TPD52: variants seen among roughly 807,000 people sequenced by gnomAD.
TPD52 encodes the protein prostate and colon associated protein.
In TPD52, 17 loss-of-function variants were observed where a neutral mutation model predicts 31.3. That is an observed-to-expected ratio of 0.54 (90% confidence interval 0.37 to 0.82). The LOEUF (loss-of-function observed/expected upper bound fraction) is 0.82, where lower values mean the gene tolerates loss of function less well. TPD52 is among the 40% of genes least tolerant of loss of function. The probability of loss-of-function intolerance (pLI) is 0.00; values close to 1 mark genes in which losing one functional copy is unlikely to be tolerated. For missense variants in TPD52, 212 were observed against 240.1 expected (o/e 0.88, Z 0.77); for synonymous variants, 83 against 89.6 (o/e 0.93, Z 0.42).
chr8:80,034,273 G>T (rs543297809), downstream of TPD52, among the ~76,000 whole-genome samples: 3 of 152,108 alleles, frequency 2.0e-5, no homozygotes, highest in African/African-American at 7.2e-5. Context: ...GCCCCCGAGA[G>T]CACACAGATG....
At chr8:80,088,469 T>A (rs985256577) in intron 1 of TPD52, among the ~76,000 whole-genome samples, 1 of 152,186 alleles carries the variant, frequency 6.6e-6, no homozygotes, top group African/African-American at 2.4e-5. Context: ...GAAGCCACCC[T>A]ACAGTGGTCA....
chr8:80,131,074 G>C (rs951531736), intron 1 of TPD52, among the ~76,000 whole-genome samples: 1 of 152,246 alleles, frequency 6.6e-6, no homozygotes, highest in Non-Finnish European at 1.5e-5. Context: ...TTAGCTTCAG[G>C]AGTCAGTGAC....
chr8:80,071,753 G>A (rs1421282650), intron 1 of TPD52, among the ~76,000 whole-genome samples: 1 of 152,022 alleles, frequency 6.6e-6, no homozygotes, highest in African/African-American at 2.4e-5. Flanking sequence ...CTACCCCTAA[G>A]CTCCTTGCCA....
intron 1 of TPD52, among the ~76,000 whole-genome samples, chr8:80,125,142 A>T (rs1808514531): frequency 6.6e-6 from 1 of 152,230 alleles, no homozygotes; most frequent in African/African-American, 2.4e-5. Flanking sequence ...CCAAGGAGCA[A>T]GAGCATGAAG....
chr8:80,139,095 T>C lies in TPD52; in HGVS notation c.19+32330A>G, dbSNP rs566946713. Among the ~76,000 whole-genome samples the C allele has an allele frequency of 4.6e-5, 7 of 152,240 alleles. No homozygotes were observed. In the South Asian group the frequency reaches 1.5e-3, roughly 32 times the overall value. On this transcript the variant is annotated intron_variant, in intron 1 of 7. Coordinates refer to ENST00000518937, the MANE Select transcript of TPD52 (RefSeq NM_001025253.3). The stretch of plus-strand genomic sequence containing the variant: ...AGCCCCCACTTCCACTCTCATCTAT[T>C]TGTGCCACTTGGATTATTTCAACTA...
intron 1 of TPD52, 55 bp from the exon 2 acceptor site, chr8:80,064,648 T>C (rs541609656): frequency 7.8e-7 from 1 of 1,282,266 alleles, no homozygotes; most frequent in East Asian, 2.3e-5. Flanking sequence ...AAAATCCCTA[T>C]TTAAGCTCCT....
At chr8:80,106,017 C>T (rs1285733000) in intron 1 of TPD52, among the ~76,000 whole-genome samples, 1 of 152,068 alleles carries the variant, frequency 6.6e-6, no homozygotes, top group Non-Finnish European at 1.5e-5. Context: ...GCTTTGTCTG[C>T]CCTATTCATG....
intron 1 of TPD52, among the ~76,000 whole-genome samples, chr8:80,085,688 G>A (rs1363005553): frequency 6.6e-6 from 1 of 152,124 alleles, no homozygotes. Flanking sequence ...TAAATAGAGA[G>A]AAGGAAGAAC....
chr8:80,144,861 A>T (rs1586388930), intron 1 of TPD52, among the ~76,000 whole-genome samples: 1 of 151,862 alleles, frequency 6.6e-6, no homozygotes, highest in African/African-American at 2.4e-5. Context: ...TCCCTGTAGC[A>T]CCTTGTCCAG....
chr8:80,048,319 C>T (rs1439867257), intron 5 of TPD52, among the ~76,000 whole-genome samples: 1 of 152,206 alleles, frequency 6.6e-6, no homozygotes, highest in Non-Finnish European at 1.5e-5. Context: ...AAAATAAAAA[C>T]TGTTGCTGAG....
chr8:80,038,519 G>C (rs184849190), intron 7 of TPD52, among the ~76,000 whole-genome samples: 205 of 152,248 alleles, frequency 1.3e-3, no homozygotes, highest in African/African-American at 4.5e-3. Flanking sequence ...AGAAAACTTT[G>C]TAAGGTCTAT....
intron 2 of TPD52, among the ~76,000 whole-genome samples, chr8:80,057,327 T>C (rs894935566): frequency 6.6e-6 from 1 of 152,180 alleles, no homozygotes; most frequent in African/African-American, 2.4e-5. Flanking sequence ...TACCATTCAA[T>C]GGCAGCAATC....
intron 1 of TPD52, among the ~76,000 whole-genome samples, chr8:80,144,177 T>C (rs1198574917): frequency 6.6e-6 from 1 of 152,232 alleles, no homozygotes; most frequent in Non-Finnish European, 1.5e-5. Flanking sequence ...TAATATTTTG[T>C]AATATTACAT....
chr8:80,064,099 G>A (rs903561153), intron 2 of TPD52, among the ~76,000 whole-genome samples: 10 of 151,774 alleles, frequency 6.6e-5, no homozygotes, highest in Admixed American at 2.6e-4. Flanking sequence ...AAGGAAAGGC[G>A]GAAGGAAGTT....
At chr8:80,157,385 G>C (rs1811045800) in intron 1 of TPD52, among the ~76,000 whole-genome samples, 1 of 152,058 alleles carries the variant, frequency 6.6e-6, no homozygotes, top group African/African-American at 2.4e-5. Flanking sequence ...GATTTTCATT[G>C]AATCCCTGAC....
intron 1 of TPD52, among the ~76,000 whole-genome samples, chr8:80,170,314 G>C (rs976055215): frequency 1.3e-5 from 2 of 152,282 alleles, no homozygotes; most frequent in Non-Finnish European, 2.9e-5. Context: ...TACTTGGGAG[G>C]CTGAGGCAGG....
chr8:80,154,725 A>G (rs1218001361), intron 1 of TPD52, among the ~76,000 whole-genome samples: 3 of 146,016 alleles, frequency 2.1e-5, no homozygotes, highest in African/African-American at 7.9e-5. Flanking sequence ...ACACACACAC[A>G]CACACACACA....
intron 1 of TPD52, among the ~76,000 whole-genome samples, chr8:80,168,833 T>C (rs1410396587): frequency 2.0e-5 from 3 of 152,224 alleles, no homozygotes; most frequent in African/African-American, 4.8e-5. Context: ...GAGGTTACTA[T>C]GGCTGGGGCC....
chr8:80,143,315 C>T (rs1396761628), intron 1 of TPD52, among the ~76,000 whole-genome samples: 1 of 152,152 alleles, frequency 6.6e-6, no homozygotes, highest in Admixed American at 6.5e-5. Flanking sequence ...ACATAAGGAC[C>T]CAAAGTCAAG....
Sources: allele counts gnomAD v4.1 joint callset (sites outside exome capture counted in the v4.1 genomes callset), GRCh38; gene constraint gnomAD v4.1.1; transcripts MANE v1.5; gene names NCBI Gene and HGNC (gene_info 2026-07-23, HGNC 2026-07-21).